MAP3K10: variants seen among roughly 807,000 people sequenced by gnomAD.
MAP3K10 encodes the protein MKN28 derived nonreceptor_type serine/threonine kinase.
MAP3K10 carries 22 observed loss-of-function variants against 75.0 expected under a neutral mutation model. That is an observed-to-expected ratio of 0.29 (90% CI 0.21 to 0.42). The LOEUF (loss-of-function observed/expected upper bound fraction) is 0.42. Among genes scored for constraint, MAP3K10 ranks in the 10% least tolerant of loss-of-function variants. The pLI is 1.00. For synonymous variants in MAP3K10, 599 were observed against 612.9 expected (o/e 0.98, Z 0.34); for missense variants, 1,165 against 1,379.8 (o/e 0.84, Z 2.47).
intron 1 of MAP3K10, among the ~76,000 whole-genome samples, chr19:40,193,457 T>A (rs1464787268): frequency 6.6e-6 from 1 of 152,200 alleles, no homozygotes; most frequent in African/African-American, 2.4e-5. Flanking sequence ...TGGAGCCAGG[T>A]AGAAGGGAAC....
In MAP3K10 at chr19:40,213,153, C is replaced by T. The variant is rs1479676578; in HGVS notation, c.1802C>T (p.Pro601Leu). ...CTGGGCAAGTCCCCCAAACACACAC[C>T]CATCGCCCCTGGCTTTGCCAGCCTC... is the stretch of plus-strand genomic sequence containing the variant. Reference protein sequence around the residue: ...PNLGKSPKHTPIAPGFASLNE... With the variant: ...PNLGKSPKHTLIAPGFASLNE... The change falls in exon 8 of 10, where the codon CCC becomes CTC. Residue 601 changes from proline (P) to leucine (L), a missense_variant. Pro to Leu is a moderately conservative substitution (Grantham distance 98). Transcript: ENST00000253055. The surrounding 1 kb of genome is among the most constrained non-coding windows in gnomAD (Gnocchi z 5.7). The T allele has an allele frequency of 6.3e-7, 1 of 1,596,384 alleles. No homozygotes were observed. The highest frequency in any genetic ancestry group is 1.7e-4 in the Middle Eastern group (1 of 6,030).
intron 2 of MAP3K10, among the ~76,000 whole-genome samples, chr19:40,199,193 A>G (rs1283652862): frequency 6.6e-6 from 1 of 152,232 alleles, no homozygotes; most frequent in African/African-American, 2.4e-5. Flanking sequence ...TCACTCATTC[A>G]TTCCTTCATC....
In MAP3K10 at chr19:40,199,886, C is replaced by T. The variant is rs1050754566; in HGVS notation, c.863+1331C>T. Reference sequence around the variant, plus strand: ...TAAAAACTCCTTTGGAGGCCGGGTGCGGTGGCTCACGCCTGTAATCCCAGC... The same window carrying T: ...TAAAAACTCCTTTGGAGGCCGGGTGTGGTGGCTCACGCCTGTAATCCCAGC... On this transcript the variant is annotated intron_variant, in intron 2 of 9. Transcript: ENST00000253055. Among the ~76,000 whole-genome samples the T allele has an allele frequency of 2.0e-5, 3 of 152,054 alleles. No individual in the cohort carries two copies. The East Asian group carries it at 5.8e-4, about 29-fold the overall frequency.
chr19:40,198,822 C>G lies in MAP3K10; in HGVS notation c.863+267C>G, dbSNP rs1263159029. On this transcript the variant is annotated intron_variant, in intron 2 of 9. Transcript: ENST00000253055. This position sits in a 1 kb window ranked among gnomAD's most constrained non-coding sequence, Gnocchi z 4.3. ...GGGGCGCACACCTGTAATCCCAGCACTTTGGGAGGCCGAGGTGGGCGGATC... is the reference window on the plus strand; with the variant it reads ...GGGGCGCACACCTGTAATCCCAGCAGTTTGGGAGGCCGAGGTGGGCGGATC... 6.6e-6 allele frequency among the ~76,000 whole-genome samples: 1 copy of G among 152,260 alleles called. No individual in the cohort carries two copies. The highest frequency in any genetic ancestry group is 1.5e-5 in the Non-Finnish European group (1 of 68,046).
chr19:40,210,300 T>G (rs1156461667), intron 6 of MAP3K10, among the ~76,000 whole-genome samples: 5 of 150,792 alleles, frequency 3.3e-5, no homozygotes, highest in African/African-American at 1.2e-4. Context: ...AAGAAATAGA[T>G]GTATTATGAG....
rs1231974830 is a variant in MAP3K10, at chr19:40,204,599, C to T, written c.978C>T (p.Ser326=). 4 of 1,613,024 alleles carry T rather than the reference C, an allele frequency of 2.5e-6. No homozygotes were observed. The highest frequency in any genetic ancestry group is 3.4e-6 in the Non-Finnish European group (4 of 1,179,604). The change falls in exon 3 of 10, where the codon TCC becomes TCT. Residue 326 remains serine (S), a synonymous_variant. Coordinates refer to ENST00000253055, the MANE Select transcript of MAP3K10 (RefSeq NM_002446.4). The surrounding 1 kb of genome is among the most constrained non-coding windows in gnomAD (Gnocchi z 4.3). The stretch of plus-strand genomic sequence containing the variant: ...ATAAGCTGACGCTGCCCATTCCCTC[C>T]ACGTGCCCCGAGCCCTTTGCCCGCC... The part of the protein sequence containing the change: ...AMNKLTLPIP[S]TCPEPFARLL...
chr19:40,197,084 C>T (rs1214924771), intron 1 of MAP3K10, among the ~76,000 whole-genome samples: 7 of 152,314 alleles, frequency 4.6e-5, no homozygotes, highest in Admixed American at 3.9e-4. Flanking sequence ...CCTGCATTTG[C>T]GGACCAGCTG....
chr19:40,208,624 G>A (rs1024889521), intron 5 of MAP3K10, among the ~76,000 whole-genome samples: 1 of 151,230 alleles, frequency 6.6e-6, no homozygotes, highest in African/African-American at 2.4e-5. Context: ...GATTGCTCGA[G>A]GCCAAGAGTT....
Position 40,204,975 on chromosome 19 carries a change from G to A in MAP3K10, c.1013-146G>A. 1 of 783,430 alleles carries A rather than the reference G, an allele frequency of 1.3e-6. No individual in the cohort carries two copies. Among genetic ancestry groups the A allele is most frequent in the Non-Finnish European group, 2.1e-6 (1 of 466,668 alleles). The allele number at this position is 783,430 out of a possible 1,614,324, so 48.5% of individuals were successfully genotyped here. On this transcript the variant is annotated intron_variant, in intron 3 of 9. Coordinates refer to ENST00000253055, the MANE Select transcript of MAP3K10 (RefSeq NM_002446.4). The surrounding 1 kb of genome is among the most constrained non-coding windows in gnomAD (Gnocchi z 4.3). ...CTGAGTGGAATTGGCCAGGAGCTTG[G>A]CTTTGAATCCCTTCCCCTCAGCTCC...
chr19:40,192,083 G>A lies in MAP3K10; in HGVS notation c.52G>A (p.Gly18Arg). 1.3e-6 allele frequency: 2 copies of A among 1,514,872 alleles called. No individual in the cohort carries two copies. The highest frequency in any genetic ancestry group is 1.8e-6 in the Non-Finnish European group (2 of 1,135,054). 93.8% of individuals were successfully genotyped at this position (1,514,872 alleles called of 1,614,324 possible). The change falls in exon 1 of 10, where the codon GGG (glycine) becomes AGG (arginine). Residue 18 changes from glycine to arginine, a missense_variant. Transcript: ENST00000253055. This position sits in a 1 kb window ranked among gnomAD's most constrained non-coding sequence, Gnocchi z 7.1. ...CAAGGAGTGGGGCACGACCCCCGCG[G>A]GGCCCGTCTGGACCGCGGTGTTCGA... The part of the protein sequence containing the change: ...VAKEWGTTPA[G>R]PVWTAVFDYE...
chr19:40,206,325 T>C, intron 5 of MAP3K10, 168 bp downstream of exon 5: 1 of 708,864 alleles, frequency 1.4e-6, no homozygotes, highest in Non-Finnish European at 2.1e-6. Context: ...CCCAGCCTAC[T>C]CAGGAGGCCA....
intron 2 of MAP3K10, among the ~76,000 whole-genome samples, chr19:40,203,843 TC>T (rs1973069737): frequency 6.6e-6 from 1 of 152,198 alleles, no homozygotes; most frequent in Non-Finnish European, 1.5e-5. Context: ...AAGGAAGGCT[TC>T]CTGACAGAGG....
chr19:40,212,989 G>GTGGTC lies in MAP3K10; in HGVS notation c.1724+14_1724+18dup. The stretch of plus-strand genomic sequence containing the variant: ...GAGGAGAGGAGAGGTGAGGTGTGGT[G>GTGGTC]TGGTCATGCCCACCCTGTGCCCAAG... On this transcript the variant is annotated intron_variant, in intron 7 of 9. Transcript: ENST00000253055. This position sits in a 1 kb window ranked among gnomAD's most constrained non-coding sequence, Gnocchi z 4.2. The GTGGTC allele has an allele frequency of 6.3e-7, 1 of 1,596,036 alleles. No individual in the cohort carries two copies. Among genetic ancestry groups the GTGGTC allele is most frequent in the South Asian group, 1.1e-5 (1 of 87,782 alleles).
chr19:40,211,584 G>C (rs1169762383), intron 6 of MAP3K10, among the ~76,000 whole-genome samples: 1 of 147,518 alleles, frequency 6.8e-6, no homozygotes, highest in Non-Finnish European at 1.5e-5. Context: ...GTGTCCATGT[G>C]ATCTATTTGC....
chr19:40,192,255 A>G lies in MAP3K10; in HGVS notation c.224A>G (p.Tyr75Cys). The change falls in exon 1 of 10, where the codon TAC becomes TGC. Residue 75 changes from tyrosine (Y) to cysteine (C), a missense_variant. Physicochemically the swap from Tyr to Cys is radical, Grantham distance 194. Coordinates refer to ENST00000253055, the MANE Select transcript of MAP3K10 (RefSeq NM_002446.4). This position sits in a 1 kb window ranked among gnomAD's most constrained non-coding sequence, Gnocchi z 7.1. ...CGCGTGGGCGTCTTCCCCAGCAACTACGTGGCCCCCGGCGCCCCCGCTGCA... is the reference window on the plus strand; with the variant it reads ...CGCGTGGGCGTCTTCCCCAGCAACTGCGTGGCCCCCGGCGCCCCCGCTGCA... ...SGRVGVFPSN[Y>C]VAPGAPAAPA... 2 of 1,602,394 alleles carry G rather than the reference A, an allele frequency of 1.2e-6. No homozygotes were observed. Among genetic ancestry groups the G allele is most frequent in the Admixed American group, 1.7e-5 (1 of 58,784 alleles).
In MAP3K10 at chr19:40,192,541, C is replaced by T; in HGVS notation, c.510C>T (p.Leu170=). ...LRGACLNPPH[L]CLVMEYARGG... is the part of the protein sequence containing the mutation. ...GCGCCTGCCTCAACCCCCCACACCT[C>T]TGCCTAGTGATGGAGTATGCCCGGG... is the stretch of plus-strand genomic sequence containing the variant. Residue 170 remains leucine (L), a synonymous_variant, in exon 1 of 10, where the codon CTC becomes CTT. Transcript: ENST00000253055. This position sits in a 1 kb window ranked among gnomAD's most constrained non-coding sequence, Gnocchi z 7.1. 2 of 1,613,566 alleles carry T rather than the reference C, an allele frequency of 1.2e-6. No individual in the cohort carries two copies. The highest frequency in any genetic ancestry group is 1.7e-6 in the Non-Finnish European group (2 of 1,179,938).
Position 40,215,423 on chromosome 19 carries a change from G to T in MAP3K10, c.*131G>T, listed in dbSNP as rs930971679. On this transcript the variant is annotated 3_prime_UTR_variant, in exon 10 of 10. Coordinates refer to ENST00000253055, the MANE Select transcript of MAP3K10 (RefSeq NM_002446.4). ...CTCTATTTATTGGGGAAGGAGGGAG[G>T]GGGGGGACACTTAACTTATTCCTTT... The T allele has an allele frequency of 7.2e-6, 6 of 839,022 alleles. No homozygotes were observed. The East Asian group carries it at 1.1e-4, about 15-fold the overall frequency. 52.0% of individuals were successfully genotyped at this position (839,022 alleles called of 1,614,324 possible).
In MAP3K10 at chr19:40,205,352, C is replaced by T; in HGVS notation, c.1188+56C>T. On this transcript the variant is annotated intron_variant, in intron 4 of 9. Transcript: ENST00000253055. This position sits in a 1 kb window ranked among gnomAD's most constrained non-coding sequence, Gnocchi z 4.3. ...GAGCAAGACCCCTGAGTTCTGATGC[C>T]TTGGGCTGCTCAGAGACTCCTCCCC... 6.3e-7 allele frequency: 1 copy of T among 1,579,594 alleles called. No homozygotes were observed. The highest frequency in any genetic ancestry group is 1.1e-5 in the South Asian group (1 of 88,598).
intron 1 of MAP3K10, among the ~76,000 whole-genome samples, chr19:40,193,888 C>T (rs1972859784): frequency 6.6e-6 from 1 of 152,220 alleles, no homozygotes; most frequent in African/African-American, 2.4e-5. Flanking sequence ...GCCCCCTTTG[C>T]TCTCAACACC....
Sources: allele counts gnomAD v4.1 joint callset (sites outside exome capture counted in the v4.1 genomes callset), GRCh38; gene constraint gnomAD v4.1.1; non-coding constraint Gnocchi (gnomAD v3.1); transcripts MANE v1.5; gene names NCBI Gene and HGNC (gene_info 2026-07-23, HGNC 2026-07-21).